The following PCDHGA2 variants were observed in gnomAD, a reference collection of about 807,000 sequenced individuals.
PCDHGA2 encodes the protein protocadherin gamma subfamily A, 2.
A neutral mutation model predicts 59.2 loss-of-function variants in PCDHGA2; 40 were observed. The ratio of observed to expected loss-of-function variants is 0.68; its 90% CI spans 0.52 to 0.88. The LOEUF (loss-of-function observed/expected upper bound fraction) is 0.88, where lower values mean the gene tolerates loss of function less well. Among genes scored for constraint, PCDHGA2 ranks in the 40% least tolerant of loss-of-function variants. PCDHGA2 has a pLI of 0.00. For synonymous variants in PCDHGA2, 560 were observed against 526.0 expected, an observed-to-expected ratio of 1.06 and a Z score of -0.89; for missense variants, 1,226 against 1,204.0, an observed-to-expected ratio of 1.02 and a Z score of -0.27.
chr5:141,371,567 C>T (rs1767853623), intron 1 of PCDHGA2: 4 of 1,613,906 alleles, frequency 2.5e-6, no homozygotes, highest in Non-Finnish European at 3.4e-6. Flanking sequence ...GAAACTTCCC[C>T]TTTAAAATCG....
chr5:141,358,015 C>A (rs563635829), intron 1 of PCDHGA2, among the ~76,000 whole-genome samples: 2 of 152,188 alleles, frequency 1.3e-5, no homozygotes, highest in African/African-American at 4.8e-5. Flanking sequence ...CATGGTGAAA[C>A]CCAGTCTCTA....
At chr5:141,346,594 C>T in intron 1 of PCDHGA2, 1 of 1,309,508 alleles carries the variant, frequency 7.6e-7, no homozygotes, top group Non-Finnish European at 1.0e-6. Context: ...GTCCCCCTTT[C>T]TTTCTGGGCC....
chr5:141,388,826 CAT>C, intron 1 of PCDHGA2: 1 of 1,613,864 alleles, frequency 6.2e-7, no homozygotes, highest in Non-Finnish European at 8.5e-7. Flanking sequence ...AAGAATATTC[CAT>C]AGTTTTGGAA....
chr5:141,372,472 T>C (rs1768797135), intron 1 of PCDHGA2: 8 of 1,614,034 alleles, frequency 5.0e-6, no homozygotes, highest in African/African-American at 1.3e-5. Flanking sequence ...TTTCACCTAG[T>C]AGTGGCGTTG....
At chr5:141,510,879 G>T in intron 3 of PCDHGA2, 68 bp from the exon 4 acceptor site, 1 of 1,611,520 alleles carries the variant, frequency 6.2e-7, no homozygotes, top group Non-Finnish European at 8.5e-7. Flanking sequence ...TAACTGCTGG[G>T]GATATAAGAC....
At chr5:141,385,539 T>C in intron 1 of PCDHGA2, 1 of 1,340,130 alleles carries the variant, frequency 7.5e-7, no homozygotes, top group East Asian at 2.8e-5. Flanking sequence ...TATGAATATG[T>C]GGACTATCAC....
At chr5:141,388,697 G>T in intron 1 of PCDHGA2, 1 of 1,613,998 alleles carries the variant, frequency 6.2e-7, no homozygotes, top group South Asian at 1.1e-5. Flanking sequence ...ACCAGGATGA[G>T]GGTGTCAATG....
intron 1 of PCDHGA2, chr5:141,426,336 C>T (rs779025306): frequency 1.7e-4 from 31 of 187,682 alleles, no homozygotes; most frequent in Non-Finnish European, 2.8e-4. Context: ...GGCAAGCACT[C>T]TTCCCTTTCC....
chr5:141,348,187 A>T (rs986108893), intron 1 of PCDHGA2, among the ~76,000 whole-genome samples: 1 of 152,254 alleles, frequency 6.6e-6, no homozygotes. Context: ...TAGAACTCAA[A>T]CAAAAGAATA....
intron 1 of PCDHGA2, chr5:141,413,590 G>A (rs759901330): frequency 1.2e-6 from 2 of 1,613,886 alleles, no homozygotes; most frequent in Non-Finnish European, 1.7e-6. Flanking sequence ...AAAATTCCAA[G>A]CAGAAAATCT....
At chr5:141,478,444 T>C (rs1190996745) in intron 1 of PCDHGA2, 1 of 1,613,478 alleles carries the variant, frequency 6.2e-7, no homozygotes, top group Non-Finnish European at 8.5e-7. Flanking sequence ...TGAAGAAACC[T>C]GGTGCAGCCA....
chr5:141,415,455 G>A (rs571718366), intron 1 of PCDHGA2: 2 of 1,614,186 alleles, frequency 1.2e-6, no homozygotes, highest in African/African-American at 1.3e-5. Context: ...ATTCCCACGA[G>A]GTCTCTCTCA....
rs1374592449 is a variant in PCDHGA2 at position 141,387,964 on chromosome 5, C to T, written c.2424+46569C>T. ...CTCTTCCTGCTGTCTTTGTTCTGCC[C>T]GGCGCTCTGTGAGCAGATCCGCTAC... On this transcript the variant is annotated intron_variant, in intron 1 of 3. Transcript: ENST00000394576. 1.3e-6 allele frequency: 2 copies of T among 1,493,070 alleles called. No individual in the cohort carries two copies. The highest frequency in any genetic ancestry group is 2.2e-5 in the Admixed American group (1 of 45,422). 92.5% of individuals were successfully genotyped at this position (1,493,070 alleles called of 1,614,324 possible).
At position 141,485,133 on chromosome 5, in the gene PCDHGA2, C is replaced by A; in HGVS notation, c.2425-9674C>A. On this transcript the variant is annotated intron_variant, in intron 1 of 3. Transcript: ENST00000394576. The surrounding 1 kb of genome is among the most constrained non-coding windows in gnomAD (Gnocchi z 5.7). Reference sequence around the variant, plus strand: ...GCTGTTTGGGGCGGGTCGGCTTCATCCGCGTCTCAGGAGCAAGTAGAGAAT... The same window carrying A: ...GCTGTTTGGGGCGGGTCGGCTTCATACGCGTCTCAGGAGCAAGTAGAGAAT... The A allele has an allele frequency of 2.7e-6, 4 of 1,492,492 alleles. No homozygotes were observed. The highest frequency in any genetic ancestry group is 1.7e-5 in the Admixed American group (1 of 58,334). The allele number at this position is 1,492,492 out of a possible 1,614,324, so 92.5% of individuals were successfully genotyped here.
chr5:141,413,431 G>C (rs963192857), intron 1 of PCDHGA2: 1 of 1,614,092 alleles, frequency 6.2e-7, no homozygotes, highest in Non-Finnish European at 8.5e-7. Flanking sequence ...CCCGCGCAGC[G>C]GCAGCTTGAT....
Position 141,381,340 on chromosome 5 carries a change from T to C in PCDHGA2, c.2424+39945T>C, listed in dbSNP as rs1777123842. 2.0e-5 allele frequency among the ~76,000 whole-genome samples: 3 copies of C among 152,250 alleles called. No homozygotes were observed. The South Asian group carries it at 6.2e-4, about 31-fold the overall frequency. On this transcript the variant is annotated intron_variant, in intron 1 of 3. Transcript: ENST00000394576. ...CTGCAACTATGTGAAAGGAGCTTTC[T>C]TTTCTTTCTGCTAGCAGAGGGTAGC...
At chr5:141,408,455 C>A in intron 1 of PCDHGA2, 1 of 1,614,050 alleles carries the variant, frequency 6.2e-7, no homozygotes, top group South Asian at 1.1e-5. Flanking sequence ...CGGGGACTTA[C>A]TTGTGAAGAA....
chr5:141,390,104 C>T, intron 1 of PCDHGA2: 1 of 1,614,070 alleles, frequency 6.2e-7, no homozygotes, highest in East Asian at 2.2e-5. Context: ...TTCCCCCCAA[C>T]TACAGCGAGG....
intron 1 of PCDHGA2, among the ~76,000 whole-genome samples, chr5:141,469,436 G>T (rs556417221): frequency 6.6e-6 from 1 of 152,002 alleles, no homozygotes; most frequent in Non-Finnish European, 1.5e-5. Flanking sequence ...TTAGCTGGGC[G>T]TGGTGGTGCA....
Sources: allele counts gnomAD v4.1 joint callset (sites outside exome capture counted in the v4.1 genomes callset), GRCh38; gene constraint gnomAD v4.1.1; non-coding constraint Gnocchi (gnomAD v3.1); transcripts MANE v1.5; gene names NCBI Gene and HGNC (gene_info 2026-07-23, HGNC 2026-07-21).